The following TAF6 variants were observed in gnomAD, a reference collection of about 807,000 sequenced individuals.
TAF6 encodes transcription initiation factor TFIID subunit 6.
A neutral mutation model predicts 73.5 loss-of-function variants in TAF6; 50 were observed. The ratio of observed to expected loss-of-function variants is 0.68; its 90% CI spans 0.54 to 0.86. The LOEUF (loss-of-function observed/expected upper bound fraction) is 0.86, where lower values mean the gene tolerates loss of function less well. Ranked by LOEUF, TAF6 falls within the 40% of genes least tolerant of loss-of-function variation. The pLI is 0.00. For synonymous variants in TAF6, 424 were observed against 376.7 expected (o/e 1.13, Z -1.45); for missense variants, 768 against 899.5 (o/e 0.85, Z 1.87).
At position 100,114,058 on chromosome 7, in the gene TAF6, G is replaced by C. The variant is rs905137876; in HGVS notation, c.152C>G (p.Ala51Gly). The C allele has an allele frequency of 6.2e-7, 1 of 1,614,002 alleles. No individual in the cohort carries two copies. Among genetic ancestry groups the C allele is most frequent in the African/African-American group, 1.3e-5 (1 of 74,924 alleles). The change falls in exon 2 of 15, where the codon GCA becomes GGA. Residue 51 changes from alanine to glycine, a missense_variant. Ala to Gly is a moderately conservative substitution (Grantham distance 60, BLOSUM62 0). Transcript: ENST00000453269. ...TGGACAGAAGGGCCGGGTCACCTGT[G>C]CGATCTCTTTGATGCGGTAGCTGAC... ...DEVSYRIKEI[A>G]QDALKFMHMG...
chr7:100,111,214 C>G lies in TAF6; in HGVS notation c.1008G>C (p.Leu336=). 6.2e-7 allele frequency: 1 copy of G among 1,614,214 alleles called. No individual in the cohort carries two copies. Among genetic ancestry groups the G allele is most frequent in the Non-Finnish European group, 8.5e-7 (1 of 1,180,040 alleles). The change falls in exon 10 of 15, where the codon CTG becomes CTC. Residue 336 remains leucine, a synonymous_variant. Transcript: ENST00000453269. ...HWALRDFAAR[L]VAQICKHFST... is the part of the protein sequence containing the mutation. ...TAAAATGCTTGCAGATCTGGGCCACCAGGCGGGCAGCAAAGTCTCGGAGTG... is the reference window on the plus strand; with the variant it reads ...TAAAATGCTTGCAGATCTGGGCCACGAGGCGGGCAGCAAAGTCTCGGAGTG...
chr7:100,110,233 G>A lies in TAF6; in HGVS notation c.1125C>T (p.Gly375=). The A allele has an allele frequency of 6.2e-7, 1 of 1,614,158 alleles. No homozygotes were observed. The highest frequency in any genetic ancestry group is 1.3e-5 in the African/African-American group (1 of 75,022). ...DEKTPWTTRY[G]SIAGLAELGH... is the part of the protein sequence containing the mutation. Reference sequence around the variant, plus strand: ...CCAGCTCAGCCAAGCCTGCGATGGAGCCATAACGAGTCGTCCAGGGCGTCT... The same window carrying A: ...CCAGCTCAGCCAAGCCTGCGATGGAACCATAACGAGTCGTCCAGGGCGTCT... Residue 375 remains glycine, a synonymous_variant, in exon 11 of 15, where the codon GGC becomes GGT. Coordinates refer to ENST00000453269, the MANE Select transcript of TAF6 (RefSeq NM_139315.3).
chr7:100,111,744 AG>A lies in TAF6; in HGVS notation c.883del (p.Leu295SerfsTer3). 1 of 1,614,104 alleles carries A rather than the reference AG, an allele frequency of 6.2e-7. No homozygotes were observed. Among genetic ancestry groups the A allele is most frequent in the Non-Finnish European group, 8.5e-7 (1 of 1,180,014 alleles). ...MVKALMDNPT[L>X]YLEKYVHELI... ...ATCACTCACGTATTTTTCTAGATAG[AG>A]CGTGGGGTTGTCCATCAGCGCTTTC... On this transcript the variant is annotated frameshift_variant, in exon 9 of 15. Transcript: ENST00000453269. LOFTEE classifies it high-confidence loss of function.
At chr7:100,107,894 C>T (rs1206496580) in intron 14 of TAF6, 32 bp downstream of exon 14, 2 of 1,575,334 alleles carry the variant, frequency 1.3e-6, no homozygotes, top group Non-Finnish European at 1.7e-6. Context: ...CCCAGGCCCT[C>T]CAGATGCTCC....
chr7:100,109,968 G>T lies in TAF6; in HGVS notation c.1264C>A (p.His422Asn). ...LSNIDRIGAD[H>N]VQSLLLKHCA... Reference sequence around the variant, plus strand: ...GTCACCAGCAGGAGGCTCTGCACATGGTCTGCTCCAATCCGGTCAATGTTG... The same window carrying T: ...GTCACCAGCAGGAGGCTCTGCACATTGTCTGCTCCAATCCGGTCAATGTTG... Residue 422 changes from histidine (H) to asparagine (N), a missense_variant, in exon 12 of 15, where the codon CAT (histidine) becomes AAT (asparagine). His to Asn is a moderately conservative substitution (Grantham distance 68). Transcript: ENST00000453269. 1 of 1,614,138 alleles carries T rather than the reference G, an allele frequency of 6.2e-7. No individual in the cohort carries two copies. Among genetic ancestry groups the T allele is most frequent in the Non-Finnish European group, 8.5e-7 (1 of 1,180,024 alleles).
intron 10 of TAF6, among the ~76,000 whole-genome samples, chr7:100,110,581 G>A (rs1034806832): frequency 9.2e-5 from 14 of 152,234 alleles, no homozygotes; most frequent in African/African-American, 3.4e-4. Context: ...GGAGGCCAAG[G>A]CAGGCAGATC....
chr7:100,109,371 G>A (rs1193692885), intron 12 of TAF6, among the ~76,000 whole-genome samples: 1 of 152,014 alleles, frequency 6.6e-6, no homozygotes, highest in Non-Finnish European at 1.5e-5. Context: ...ACTAATGTGT[G>A]AATGAACTTG....
upstream of TAF6, chr7:100,122,231 C>T: frequency 6.2e-7 from 1 of 1,611,770 alleles, no homozygotes; most frequent in East Asian, 2.2e-5. Flanking sequence ...TCTTTTACCT[C>T]CCCCCGGACG....
At chr7:100,111,385 C>A in intron 9 of TAF6, 64 bp from the exon 10 acceptor site, 1 of 1,558,690 alleles carries the variant, frequency 6.4e-7, no homozygotes, top group Non-Finnish European at 8.7e-7. Flanking sequence ...TAAAGTCTTG[C>A]TCTGTCACCC....
At position 100,108,551 on chromosome 7, in the gene TAF6, G is replaced by A. The variant is rs1796814560; in HGVS notation, c.1285-11C>T. On this transcript the variant is annotated splice_polypyrimidine_tract_variant and intron_variant, in intron 12 of 14. Transcript: ENST00000453269. ...AGGAGCACAGTGTTTCTGCAGAACA[G>A]AAAAAAAGCCAGGTAGAGGGAGGGC... The A allele has an allele frequency of 1.3e-6, 2 of 1,582,426 alleles. No individual in the cohort carries two copies. Among genetic ancestry groups the A allele is most frequent in the Non-Finnish European group, 1.7e-6 (2 of 1,159,466 alleles).
At chr7:100,110,158 G>A in intron 11 of TAF6, 42 bp downstream of exon 11, 1 of 1,614,004 alleles carries the variant, frequency 6.2e-7, no homozygotes, top group African/African-American at 1.3e-5. Context: ...ATAACCTCAT[G>A]ACTGTGTCCC....
chr7:100,124,841 A>G (rs1798171727), upstream of TAF6: 1 of 1,610,006 alleles, frequency 6.2e-7, no homozygotes, highest in Admixed American at 1.7e-5. Flanking sequence ...GGGAGACAAG[A>G]TGACCAAGAC....
Position 100,110,242 on chromosome 7 carries a change from A to G in TAF6, c.1116T>C (p.Thr372=). The G allele has an allele frequency of 1.2e-6, 2 of 1,614,124 alleles. No individual in the cohort carries two copies. The highest frequency in any genetic ancestry group is 1.7e-6 in the Non-Finnish European group (2 of 1,180,010). The part of the protein sequence containing the change: ...SWVDEKTPWT[T]RYGSIAGLAE... The stretch of plus-strand genomic sequence containing the variant: ...CCAAGCCTGCGATGGAGCCATAACG[A>G]GTCGTCCAGGGCGTCTTCTCGTCCA... Residue 372 remains threonine (T), a synonymous_variant, in exon 11 of 15, where the codon ACT becomes ACC. Coordinates refer to ENST00000453269, the MANE Select transcript of TAF6 (RefSeq NM_139315.3).
chr7:100,114,710 A>G (rs1336672447), intron 1 of TAF6, among the ~76,000 whole-genome samples: 1 of 150,908 alleles, frequency 6.6e-6, no homozygotes, highest in East Asian at 2.0e-4. Context: ...ACTCCGTCTC[A>G]GGAAAAAAAA....
At chr7:100,110,539 C>T (rs1797076918) in intron 10 of TAF6, among the ~76,000 whole-genome samples, 1 of 148,814 alleles carries the variant, frequency 6.7e-6, no homozygotes, top group South Asian at 2.1e-4. Flanking sequence ...TGGCCAGGTG[C>T]AGTGGCTCAT....
At position 100,108,103 on chromosome 7, in the gene TAF6, G is replaced by A. The variant is rs769131965; in HGVS notation, c.1479C>T (p.Leu493=). 1 of 1,606,284 alleles carries A rather than the reference G, an allele frequency of 6.2e-7. No homozygotes were observed. The highest frequency in any genetic ancestry group is 1.1e-5 in the South Asian group (1 of 90,154). The change falls in exon 14 of 15, where the codon CTC becomes CTT. Residue 493 remains leucine (L), a synonymous_variant. Transcript: ENST00000453269. The stretch of plus-strand genomic sequence containing the variant: ...GAGGGCCAGGCTGTGGGGCCTGCGA[G>A]AGGGTCAGCGTGGGCCGGGGCTGCG... ...TITQPRPTLT[L]SQAPQPGPRT...
At chr7:100,114,583 G>A (rs949427433) in intron 1 of TAF6, 137 of 567,602 alleles carry the variant, frequency 2.4e-4, no homozygotes, top group Non-Finnish European at 6.6e-5. Context: ...AGCAGGGCGT[G>A]GTAGTGCACA....
At position 100,119,217 on chromosome 7, in the gene TAF6, G is replaced by A; in HGVS notation, c.-73C>T. Reference sequence around the variant, plus strand: ...CACACAACCAACCGTCCTCTTTCCAGTCCCCACAAGGGACCTTCAAAGGGT... The same window carrying A: ...CACACAACCAACCGTCCTCTTTCCAATCCCCACAAGGGACCTTCAAAGGGT... On this transcript the variant is annotated 5_prime_UTR_variant, in exon 1 of 15. Transcript: ENST00000453269. 1 of 992,372 alleles carries A rather than the reference G, an allele frequency of 1.0e-6. No homozygotes were observed. 61.5% of individuals were successfully genotyped at this position (992,372 alleles called of 1,614,324 possible). A position where few individuals can be genotyped will look rare whatever the true frequency, so the allele number is the denominator to read the frequency against.
In TAF6 at chr7:100,107,404, A is replaced by G. The variant is rs756230036; in HGVS notation, c.1876T>C (p.Ser626Pro). ...GACGATGCCGGGGGAGGAACTGGAG[A>G]AGGATGGGAGGTGGGGCCTCCTTTG... ...EGKGGPTSHP[S>P]PVPPPASSPS... Residue 626 changes from serine to proline, a missense_variant, in exon 15 of 15, where the codon TCT becomes CCT. Physicochemically the swap from Ser to Pro is moderately conservative, Grantham distance 74. Transcript: ENST00000453269. 4.4e-6 allele frequency: 7 copies of G among 1,603,190 alleles called. No individual in the cohort carries two copies. Among genetic ancestry groups the G allele is most frequent in the South Asian group, 3.3e-5 (3 of 90,512 alleles).
Sources: gnomAD v4.1 joint callset for allele counts (sites outside exome capture counted in the v4.1 genomes callset) on GRCh38, gnomAD v4.1.1 for gene constraint, MANE v1.5 for transcripts, NCBI Gene and HGNC (gene_info 2026-07-23, HGNC 2026-07-21) for gene names.